Variants in TMPRSS11F observed in about 807,000 individuals in gnomAD.
The protein encoded by TMPRSS11F is transmembrane serine protease 11F.
Under a neutral mutation model 60.2 loss-of-function variants are expected in TMPRSS11F, and 47 were observed. The ratio of observed to expected loss-of-function variants is 0.78; its 90% CI spans 0.62 to 1.00. The LOEUF (loss-of-function observed/expected upper bound fraction) is 1.00, where lower values mean the gene tolerates loss of function less well. TMPRSS11F is among the 50% of genes least tolerant of loss of function. The pLI, the probability that TMPRSS11F is intolerant of heterozygous loss-of-function variation, is 0.00. For missense variants in TMPRSS11F, 519 were observed against 522.9 expected (o/e 0.99, Z 0.07); for synonymous variants, 166 against 167.3 (o/e 0.99, Z 0.06).
chr4:68,117,340 G>A (rs1178608055), intron 1 of TMPRSS11F, among the ~76,000 whole-genome samples: 2 of 151,740 alleles, frequency 1.3e-5, no homozygotes, highest in Non-Finnish European at 2.9e-5. Context: ...GGTGGCAGGT[G>A]CCTGTAGTCC....
intron 8 of TMPRSS11F, 110 bp downstream of exon 8, chr4:68,064,567 ACACATACT>A (rs1723280445): frequency 4.5e-5 from 54 of 1,205,472 alleles, no homozygotes; most frequent in Non-Finnish European, 6.0e-5. Context: ...GCCCAAGGCC[ACACATACT>A]GGAAAGACCA....
chr4:68,068,850 C>G (rs769576344), intron 6 of TMPRSS11F, 31 bp from the exon 7 acceptor site: 1 of 1,607,954 alleles, frequency 6.2e-7, no homozygotes, highest in South Asian at 1.1e-5. Flanking sequence ...CATTCATATT[C>G]ATAAAAAGGA....
At chr4:68,058,249 TAA>T (rs1723086683) in intron 9 of TMPRSS11F, among the ~76,000 whole-genome samples, 1 of 152,204 alleles carries the variant, frequency 6.6e-6, no homozygotes. Context: ...GAGAAAATGT[TAA>T]GTGAGGTGAT....
At chr4:68,075,974 CAGAGTGAG>C (rs1204154017) in intron 3 of TMPRSS11F, among the ~76,000 whole-genome samples, 2 of 148,778 alleles carry the variant, frequency 1.3e-5, no homozygotes. Flanking sequence ...GCCTGGGCAA[CAGAGTGAG>C]ACTCTGTCTC....
At chr4:68,098,293 A>G (rs1724112018) in intron 2 of TMPRSS11F, among the ~76,000 whole-genome samples, 1 of 152,152 alleles carries the variant, frequency 6.6e-6, no homozygotes, top group South Asian at 2.1e-4. Flanking sequence ...TGATAACTCA[A>G]GAATCTGTCT....
intron 1 of TMPRSS11F, among the ~76,000 whole-genome samples, chr4:68,112,294 T>C (rs1033675788): frequency 8.6e-5 from 13 of 151,790 alleles, no homozygotes; most frequent in Non-Finnish European, 1.6e-4. Flanking sequence ...ATCGGCACTG[T>C]TTTTTTCCTA....
intron 3 of TMPRSS11F, among the ~76,000 whole-genome samples, chr4:68,087,660 C>T (rs1364544107): frequency 1.3e-5 from 2 of 151,920 alleles, no homozygotes; most frequent in Non-Finnish European, 1.5e-5. Flanking sequence ...ATTAAAGTTT[C>T]AGGATACAAA....
At chr4:68,066,690 C>T (rs1488664822) in intron 7 of TMPRSS11F, among the ~76,000 whole-genome samples, 4 of 152,012 alleles carry the variant, frequency 2.6e-5, no homozygotes, top group Non-Finnish European at 4.4e-5. Context: ...AATCCCAGCA[C>T]TATGGGAGGC....
intron 9 of TMPRSS11F, among the ~76,000 whole-genome samples, chr4:68,055,049 T>G (rs749392748): frequency 3.3e-5 from 5 of 152,030 alleles, no homozygotes; most frequent in Admixed American, 6.6e-5. Flanking sequence ...GGGGGTTAGG[T>G]GTGTTATAGG....
chr4:68,067,080 AG>A (rs1723345664), intron 7 of TMPRSS11F, among the ~76,000 whole-genome samples: 1 of 152,044 alleles, frequency 6.6e-6, no homozygotes, highest in African/African-American at 2.4e-5. Flanking sequence ...TTTTTTCTCT[AG>A]GATCATCACT....
intron 8 of TMPRSS11F, among the ~76,000 whole-genome samples, chr4:68,060,598 C>CTTTTT (rs1410291699): frequency 1.5e-5 from 2 of 133,160 alleles, no homozygotes; most frequent in African/African-American, 5.4e-5. Context: ...ATAAGTATCT[C>CTTTTT]TCTTTTTTTT....
At chr4:68,120,094 C>A (rs1724595089) in intron 1 of TMPRSS11F, among the ~76,000 whole-genome samples, 1 of 152,120 alleles carries the variant, frequency 6.6e-6, no homozygotes, top group Non-Finnish European at 1.5e-5. Context: ...AGAAGTGGAA[C>A]CTGAAGACAT....
At chr4:68,124,090 G>A (rs1724670910) in intron 1 of TMPRSS11F, among the ~76,000 whole-genome samples, 2 of 151,736 alleles carry the variant, frequency 1.3e-5, no homozygotes, top group Non-Finnish European at 2.9e-5. Flanking sequence ...GTGCGGTGGT[G>A]CACGCCTGTA....
rs185361665 is a variant in TMPRSS11F at position 68,063,352 on chromosome 4, T to A, written c.1015+1333A>T. ...TCATTAAAACATTCAGTTAATCTTT[T>A]TCTCTCTTTTTTTTTGTTTTCTGTT... On this transcript the variant is annotated intron_variant, in intron 8 of 9. Transcript: ENST00000356291. 15 of 442,614 alleles carry A rather than the reference T, an allele frequency of 3.4e-5. No individual in the cohort carries two copies. The East Asian group carries it at 7.3e-4, about 22-fold the overall frequency. The allele number at this position is 442,614 out of a possible 1,614,324, so 27.4% of individuals were successfully genotyped here.
At chr4:68,114,304 C>T (rs1293299473) in intron 1 of TMPRSS11F, among the ~76,000 whole-genome samples, 1 of 151,474 alleles carries the variant, frequency 6.6e-6, no homozygotes, top group Non-Finnish European at 1.5e-5. Context: ...AGAAACAAGT[C>T]AGTTCATTAT....
At position 68,068,692 on chromosome 4, in the gene TMPRSS11F, T is replaced by A. The variant is rs769052921; in HGVS notation, c.681A>T (p.Ile227=). 12 of 1,614,084 alleles carry A rather than the reference T, an allele frequency of 7.4e-6. No homozygotes were observed. The Admixed American group carries it at 1.3e-4, about 18-fold the overall frequency. Residue 227 remains isoleucine (I), a synonymous_variant, in exon 7 of 10, where the codon ATA becomes ATT. Transcript: ENST00000356291. The part of the protein sequence containing the change: ...EWPWQASLQL[I]GSGHQCGASL... ...TGGCTCCACACTGATGGCCTGACCCTATGAGCTGGAGGCTGGCCTGCCATG... is the reference window on the plus strand; with the variant it reads ...TGGCTCCACACTGATGGCCTGACCCAATGAGCTGGAGGCTGGCCTGCCATG...
Position 68,108,257 on chromosome 4 carries a change from C to A in TMPRSS11F, c.12-9219G>T, listed in dbSNP as rs185865634. The stretch of plus-strand genomic sequence containing the variant: ...GAAGAGTTAAGGAGGATGCCAAGGT[C>A]TTTAGTTTGTGCAGAGAAAAATGAT... On this transcript the variant is annotated intron_variant, in intron 1 of 9. Coordinates refer to ENST00000356291, the MANE Select transcript of TMPRSS11F (RefSeq NM_207407.2). 2.6e-5 allele frequency among the ~76,000 whole-genome samples: 4 copies of A among 152,254 alleles called. No individual in the cohort carries two copies. In the East Asian group the frequency reaches 7.7e-4, roughly 29 times the overall value.
At chr4:68,111,243 T>C (rs1347382727) in intron 1 of TMPRSS11F, among the ~76,000 whole-genome samples, 3 of 152,162 alleles carry the variant, frequency 2.0e-5, no homozygotes, top group African/African-American at 7.2e-5. Context: ...AGTTTTATAT[T>C]TCCAAAATGA....
chr4:68,093,433 A>C (rs993738484), intron 2 of TMPRSS11F, among the ~76,000 whole-genome samples: 1 of 152,142 alleles, frequency 6.6e-6, no homozygotes, highest in Non-Finnish European at 1.5e-5. Flanking sequence ...TAGACCTAAA[A>C]CCATAAAAAC....
Sources: allele counts gnomAD v4.1 joint callset (sites outside exome capture counted in the v4.1 genomes callset), GRCh38; gene constraint gnomAD v4.1.1; transcripts MANE v1.5; gene names NCBI Gene and HGNC (gene_info 2026-07-23, HGNC 2026-07-21).